ZNF10: variants seen among roughly 807,000 people sequenced by gnomAD.
ZNF10 encodes zinc finger protein 10, also known as zinc finger protein 10 (KOX 1).
A neutral mutation model predicts 12.2 loss-of-function variants in ZNF10; 8 were observed. That is an observed-to-expected ratio of 0.66 (90% confidence interval 0.39 to 1.18). The LOEUF is 1.18. ZNF10 is among the 50% of genes most tolerant of loss of function. The pLI is 0.01. For missense variants in ZNF10, 603 were observed against 678.9 expected (o/e 0.89, Z 1.24); for synonymous variants, 229 against 228.2 (o/e 1.00, Z -0.03).
Position 133,143,060 on chromosome 12 carries a change from A to G in ZNF10, c.-59-1374A>G, listed in dbSNP as rs1955955629. ...TTAAAACATAGATGAACCTTGAAAAATGTATACTGAGTGAAATAAGCCAGA... is the reference window on the plus strand; with the variant it reads ...TTAAAACATAGATGAACCTTGAAAAGTGTATACTGAGTGAAATAAGCCAGA... On this transcript the variant is annotated intron_variant, in intron 1 of 4. Transcript: ENST00000248211. 2.6e-5 allele frequency among the ~76,000 whole-genome samples: 4 copies of G among 152,338 alleles called. No individual in the cohort carries two copies. In the South Asian group the frequency reaches 8.3e-4, roughly 32 times the overall value.
chr12:133,144,321 C>G (rs575254542), intron 1 of ZNF10, 113 bp from the exon 2 acceptor site: 1 of 558,048 alleles, frequency 1.8e-6, no homozygotes, highest in East Asian at 3.0e-5. Flanking sequence ...TGATGTTCCT[C>G]TGTATAGTGG....
intron 1 of ZNF10, among the ~76,000 whole-genome samples, chr12:133,142,445 G>A (rs1006937453): frequency 1.4e-5 from 2 of 147,172 alleles, no homozygotes; most frequent in African/African-American, 5.0e-5. Flanking sequence ...GAAACTATTT[G>A]CAAATCATGT....
Position 133,133,401 on chromosome 12 carries a change from CAG to C in ZNF10, c.-60+2650_-60+2651del, listed in dbSNP as rs766380465. 2.0e-5 allele frequency among the ~76,000 whole-genome samples: 3 copies of C among 152,298 alleles called. No homozygotes were observed. In the South Asian group the frequency reaches 6.2e-4, roughly 32 times the overall value. ...GTGCTGGTTAAGTATAGTCACATGT[CAG>C]AGTGAATGAATATGAAGTGCTAAGC... On this transcript the variant is annotated intron_variant, in intron 1 of 4. Transcript: ENST00000248211.
At chr12:133,137,544 C>A (rs1955919444) in intron 1 of ZNF10, among the ~76,000 whole-genome samples, 1 of 152,216 alleles carries the variant, frequency 6.6e-6, no homozygotes, top group South Asian at 2.1e-4. Flanking sequence ...GACACTCAGC[C>A]CATTCCTCCC....
chr12:133,146,128 A>G (rs1253525012), intron 2 of ZNF10, among the ~76,000 whole-genome samples: 2 of 152,204 alleles, frequency 1.3e-5, no homozygotes, highest in African/African-American at 4.8e-5. Context: ...GTAATACGAG[A>G]ATGAGGTGGG....
rs1178438345 is a variant in ZNF10 at position 133,144,482 on chromosome 12, A to G, written c.-11A>G. On this transcript the variant is annotated 5_prime_UTR_variant, in exon 2 of 5. Coordinates refer to ENST00000248211, the MANE Select transcript of ZNF10 (RefSeq NM_015394.5). Reference sequence around the variant, plus strand: ...GTCACTCAAGGAAGTATCATCAAGAACAAGGAGGGCATGGATGCTAAGTCA... The same window carrying G: ...GTCACTCAAGGAAGTATCATCAAGAGCAAGGAGGGCATGGATGCTAAGTCA... The G allele has an allele frequency of 1.2e-6, 2 of 1,613,748 alleles. No individual in the cohort carries two copies. The highest frequency in any genetic ancestry group is 8.5e-7 in the Non-Finnish European group (1 of 1,179,838).
intron 1 of ZNF10, among the ~76,000 whole-genome samples, chr12:133,138,390 A>G (rs572373936): frequency 2.0e-5 from 2 of 102,496 alleles, no homozygotes; most frequent in South Asian, 7.1e-4. Flanking sequence ...CCCTGTCTAA[A>G]AAAAAAAAAA....
chr12:133,149,352 CT>C (rs144304054), intron 2 of ZNF10, among the ~76,000 whole-genome samples: 3,728 of 85,750 alleles, frequency 0.043, 199 homozygotes, highest in African/African-American at 0.17. Context: ...TTTGCTATTG[CT>C]TTTTTTTTTT....
chr12:133,134,144 C>CAAAA (rs35470467), intron 1 of ZNF10, among the ~76,000 whole-genome samples: 2 of 68,066 alleles, frequency 2.9e-5, no homozygotes, highest in African/African-American at 8.1e-5. Context: ...ACTAAAAATA[C>CAAAA]AAAAAAAAAA....
intron 2 of ZNF10, chr12:133,144,905 C>G (rs567614944): frequency 2.2e-6 from 1 of 450,890 alleles, no homozygotes; most frequent in Admixed American, 2.4e-5. Flanking sequence ...GTTGTTTAGA[C>G]GGAGTCTTGC....
intron 1 of ZNF10, among the ~76,000 whole-genome samples, chr12:133,133,998 A>G (rs924720513): frequency 5.3e-5 from 8 of 152,130 alleles, no homozygotes; most frequent in Non-Finnish European, 1.0e-4. Flanking sequence ...AGGGGTCCTT[A>G]AAAGTAAAAG....
chr12:133,148,412 T>C (rs1955988208), intron 2 of ZNF10, among the ~76,000 whole-genome samples: 1 of 152,178 alleles, frequency 6.6e-6, no homozygotes, highest in Admixed American at 6.5e-5. Context: ...TGAGCCACCA[T>C]GCCTGACCTA....
At chr12:133,140,826 T>C (rs1331319132) in intron 1 of ZNF10, among the ~76,000 whole-genome samples, 2 of 152,198 alleles carry the variant, frequency 1.3e-5, no homozygotes, top group Non-Finnish European at 2.9e-5. Context: ...TTTTCAGTTT[T>C]ATGCATGGTC....
intron 1 of ZNF10, among the ~76,000 whole-genome samples, chr12:133,137,132 C>T (rs562842038): frequency 3.0e-4 from 46 of 152,306 alleles, no homozygotes; most frequent in Admixed American, 2.5e-3. Context: ...ACTGATCCTA[C>T]CCAAATCTAC....
At chr12:133,146,806 A>T (rs1955978692) in intron 2 of ZNF10, among the ~76,000 whole-genome samples, 1 of 152,122 alleles carries the variant, frequency 6.6e-6, no homozygotes, top group Admixed American at 6.5e-5. Flanking sequence ...AGATTGTGCC[A>T]CTTCACTCTA....
chr12:133,144,680 G>A (rs180900113), intron 2 of ZNF10, among the ~76,000 whole-genome samples, 155 bp downstream of exon 2: 1 of 152,262 alleles, frequency 6.6e-6, no homozygotes, highest in African/African-American at 2.4e-5. Flanking sequence ...ACAGATCACT[G>A]TGGGCTTTGG....
chr12:133,149,206 C>T (rs933646096), intron 2 of ZNF10, among the ~76,000 whole-genome samples: 23 of 151,984 alleles, frequency 1.5e-4, no homozygotes, highest in Admixed American at 2.0e-4. Context: ...AGTGATTCTC[C>T]CACCTGTCTC....
In ZNF10 at chr12:133,158,305, T is replaced by A. The variant is rs1282742213; in HGVS notation, c.*1337T>A. ...TATTGCCGCACCCTAATATCTGTTATTTAATTGAAATCTGCTTGTGTGCTT... is the reference window on the plus strand; with the variant it reads ...TATTGCCGCACCCTAATATCTGTTAATTAATTGAAATCTGCTTGTGTGCTT... On this transcript the variant is annotated 3_prime_UTR_variant, in exon 5 of 5. Coordinates refer to ENST00000248211, the MANE Select transcript of ZNF10 (RefSeq NM_015394.5). 6.6e-6 allele frequency: 1 copy of A among 152,232 alleles called. No individual in the cohort carries two copies. Among genetic ancestry groups the A allele is most frequent in the Non-Finnish European group, 1.5e-5 (1 of 68,040 alleles). 9.4% of individuals were successfully genotyped at this position (152,232 alleles called of 1,614,324 possible). A position where few individuals can be genotyped will look rare whatever the true frequency, so the allele number is the denominator to read the frequency against.
At chr12:133,140,202 C>CAA (rs67577219) in intron 1 of ZNF10, among the ~76,000 whole-genome samples, 767 of 35,136 alleles carry the variant, frequency 0.022, 79 homozygotes, top group South Asian at 0.062. Flanking sequence ...GACCCTGTCT[C>CAA]AAAAAAAAAA....
Sources: allele counts gnomAD v4.1 joint callset (sites outside exome capture counted in the v4.1 genomes callset), GRCh38; gene constraint gnomAD v4.1.1; transcripts MANE v1.5; gene names NCBI Gene and HGNC (gene_info 2026-07-23, HGNC 2026-07-21).